TMC5: variants seen among roughly 807,000 people sequenced by gnomAD.
The protein encoded by TMC5 is transmembrane channel like 5.
TMC5 carries 86 observed loss-of-function variants against 110.5 expected under a neutral mutation model. The ratio of observed to expected loss-of-function variants is 0.78; its 90% confidence interval spans 0.65 to 0.93. TMC5 has a LOEUF of 0.93. TMC5 is among the 40% of genes least tolerant of loss of function. The probability of loss-of-function intolerance (pLI) is 0.00; values close to 1 mark genes in which losing one functional copy is unlikely to be tolerated. For synonymous variants in TMC5, 455 were observed against 439.5 expected (o/e 1.04, Z -0.44); for missense variants, 1,144 against 1,222.8 (o/e 0.94, Z 0.96).
intron 17 of TMC5, among the ~76,000 whole-genome samples, chr16:19,488,934 A>G (rs986044774): frequency 2.6e-5 from 4 of 152,228 alleles, no homozygotes; most frequent in Non-Finnish European, 5.9e-5. Context: ...GAATGAATTA[A>G]TGAACAAGGG....
At chr16:19,420,431 A>T (rs1359147752) in intron 1 of TMC5, among the ~76,000 whole-genome samples, 2 of 151,406 alleles carry the variant, frequency 1.3e-5, no homozygotes, top group African/African-American at 2.4e-5. Flanking sequence ...CGTCTCAAAA[A>T]AAAAAATAAA....
intron 9 of TMC5, among the ~76,000 whole-genome samples, chr16:19,467,931 ATTTTG>A (rs962126390): frequency 2.0e-5 from 3 of 152,104 alleles, no homozygotes; most frequent in Non-Finnish European, 4.4e-5. Flanking sequence ...CTAAAGTGAG[ATTTTG>A]TTTTGTTCTG....
chr16:19,493,207 C>T lies in TMC5; in HGVS notation c.2826+979C>T, dbSNP rs961208299. Among the ~76,000 whole-genome samples, 12 of 151,176 alleles carry T rather than the reference C, an allele frequency of 7.9e-5. No individual in the cohort carries two copies. The East Asian group carries it at 2.2e-3, about 27-fold the overall frequency. ...AACTTCCGACCTCAGGTGATCCGCC[C>T]GCCTCGGCCTCCCAAAGTGCTAAGA... On this transcript the variant is annotated intron_variant, in intron 19 of 21. Transcript: ENST00000542583.
Position 19,463,318 on chromosome 16 carries a change from G to C in TMC5, c.1187G>C (p.Arg396Pro), listed in dbSNP as rs539245207. 11 of 1,613,902 alleles carry C rather than the reference G, an allele frequency of 6.8e-6. No homozygotes were observed. The African/African-American group carries it at 1.5e-4, about 22-fold the overall frequency. ...AAAGAAAAAAGCAAACAGACCCATC[G>C]TATCCTTCAGCTCAATTGCTGTATT... ...VDKEKSKQTHRILQLNCCIQC... is the reference protein window; with the variant it reads ...VDKEKSKQTHPILQLNCCIQC... Residue 396 changes from arginine to proline, a missense_variant, in exon 7 of 22, where the codon CGT becomes CCT. Arg to Pro is a moderately radical substitution (Grantham distance 103). Coordinates refer to ENST00000542583, the MANE Select transcript of TMC5 (RefSeq NM_001261841.2).
chr16:19,432,519 T>C (rs1024893969), intron 2 of TMC5, among the ~76,000 whole-genome samples: 7 of 152,242 alleles, frequency 4.6e-5, no homozygotes, highest in Non-Finnish European at 1.0e-4. Context: ...CCTCTAATAG[T>C]TAACAGGAAG....
intron 5 of TMC5, among the ~76,000 whole-genome samples, chr16:19,454,093 G>A (rs912182902): frequency 6.6e-6 from 1 of 151,924 alleles, no homozygotes; most frequent in African/African-American, 2.4e-5. Flanking sequence ...TGTCCCCCAG[G>A]CTGGAGTGGA....
chr16:19,421,087 G>C lies in TMC5; in HGVS notation c.-308+2995G>C, dbSNP rs766733306. ...TATGAGACTCATGGACACCTGGATC[G>C]CAAGGTTGTGTCTGTCAGTCAGTGT... is the stretch of plus-strand genomic sequence containing the variant. On this transcript the variant is annotated intron_variant, in intron 1 of 21. Coordinates refer to ENST00000542583, the MANE Select transcript of TMC5 (RefSeq NM_001261841.2). 1.9e-4 allele frequency among the ~76,000 whole-genome samples: 29 copies of C among 152,120 alleles called. 1 individual carries two copies. Among genetic ancestry groups the C allele is most frequent in the African/African-American group, 5.1e-4 (21 of 41,418 alleles).
At chr16:19,439,271 AG>A (rs748256009) in intron 2 of TMC5, among the ~76,000 whole-genome samples, 6 of 152,206 alleles carry the variant, frequency 3.9e-5, no homozygotes, top group Admixed American at 6.5e-5. Context: ...TCAAACTGGA[AG>A]GGGTCATAGC....
chr16:19,494,324 A>G lies in TMC5; in HGVS notation c.2889A>G (p.Lys963=). 6.2e-7 allele frequency: 1 copy of G among 1,613,892 alleles called. No homozygotes were observed. The highest frequency in any genetic ancestry group is 8.5e-7 in the Non-Finnish European group (1 of 1,179,908). ...TCAAGCTGCAGGATATGGAGAAGAA[A>G]GCAAACCCCAGCTCACTTGTTCTGG... The part of the protein sequence containing the change: ...KLIKLQDMEK[K]ANPSSLVLER... The change falls in exon 20 of 22, where the codon AAA becomes AAG. Residue 963 remains lysine (K), a synonymous_variant. Transcript: ENST00000542583.
Position 19,440,324 on chromosome 16 carries a change from A to G in TMC5, c.286A>G (p.Arg96Gly). The change falls in exon 3 of 22, where the codon AGA (arginine) becomes GGA (glycine). Residue 96 changes from arginine (R) to glycine (G), a missense_variant. By Grantham distance (125) the Arg-to-Gly change is moderately radical (BLOSUM62 -2). Transcript: ENST00000542583. ...TRSNAYSAAS[R>G]TSPDHPTSLP... is the part of the protein sequence containing the mutation. ...AAGCAATGCATACTCTGCAGCCTCT[A>G]GAACAAGCCCAGACCATCCTACCTC... is the stretch of plus-strand genomic sequence containing the variant. 1 of 1,614,168 alleles carries G rather than the reference A, an allele frequency of 6.2e-7. No homozygotes were observed. The highest frequency in any genetic ancestry group is 8.5e-7 in the Non-Finnish European group (1 of 1,180,034).
chr16:19,412,040 G>T (rs1240470087), intron 1 of TMC5, among the ~76,000 whole-genome samples: 1 of 151,910 alleles, frequency 6.6e-6, no homozygotes, highest in Non-Finnish European at 1.5e-5. Flanking sequence ...GTAAAATGAG[G>T]ACAATAATGG....
intron 10 of TMC5, among the ~76,000 whole-genome samples, 157 bp downstream of exon 10, chr16:19,469,982 C>T (rs2143630789): frequency 6.6e-6 from 1 of 151,968 alleles, no homozygotes; most frequent in East Asian, 1.9e-4. Flanking sequence ...GCAGGCTCCG[C>T]CTCCCGGGTT....
At chr16:19,475,851 C>A (rs1968476835) in intron 12 of TMC5, among the ~76,000 whole-genome samples, 1 of 141,310 alleles carries the variant, frequency 7.1e-6, no homozygotes, top group Non-Finnish European at 1.5e-5. Context: ...GTCGCCCAGG[C>A]TGGAGTGCGG....
chr16:19,431,658 C>T (rs1454807543), intron 2 of TMC5, among the ~76,000 whole-genome samples: 1 of 151,964 alleles, frequency 6.6e-6, no homozygotes, highest in Admixed American at 6.6e-5. Flanking sequence ...GGTCAATTTG[C>T]TGTTTTGTAA....
chr16:19,465,478 G>A (rs1201133685), intron 8 of TMC5, among the ~76,000 whole-genome samples: 1 of 152,182 alleles, frequency 6.6e-6, no homozygotes, highest in East Asian at 1.9e-4. Context: ...GCAGTGAGCT[G>A]AGATCTTGCC....
At chr16:19,478,049 A>G (rs1297365331) in intron 13 of TMC5, among the ~76,000 whole-genome samples, 2 of 152,176 alleles carry the variant, frequency 1.3e-5, no homozygotes, top group African/African-American at 4.8e-5. Context: ...TACAGTTTCT[A>G]GTCTTCACTG....
chr16:19,484,763 C>T (rs1247746827), intron 15 of TMC5, among the ~76,000 whole-genome samples: 2 of 111,728 alleles, frequency 1.8e-5, no homozygotes, highest in Admixed American at 1.9e-4. Context: ...CACTCCGTCT[C>T]AAAAAGGAAA....
Position 19,472,262 on chromosome 16 carries a change from C to T in TMC5, c.1938+19C>T. The T allele has an allele frequency of 6.2e-7, 1 of 1,612,434 alleles. No individual in the cohort carries two copies. Among genetic ancestry groups the T allele is most frequent in the Non-Finnish European group, 8.5e-7 (1 of 1,179,254 alleles). ...CTTAGAGGTAACCAACACCAGGGTC[C>T]AGGGCAGAGAGAACCAGGTGAAGGG... On this transcript the variant is annotated intron_variant, in intron 11 of 21. Transcript: ENST00000542583.
Position 19,426,813 on chromosome 16 carries a change from C to T in TMC5, c.-307-3600C>T, listed in dbSNP as rs555994685. 2.2e-4 allele frequency among the ~76,000 whole-genome samples: 34 copies of T among 152,160 alleles called. No individual in the cohort carries two copies. The East Asian group carries it at 6.4e-3, about 28-fold the overall frequency. Reference sequence around the variant, plus strand: ...GGTAACAAATCAACTTTTTTCTTCCCTCCTCTCTCCCTGCTCCTCGCTGGC... The same window carrying T: ...GGTAACAAATCAACTTTTTTCTTCCTTCCTCTCTCCCTGCTCCTCGCTGGC... On this transcript the variant is annotated intron_variant, in intron 1 of 21. Transcript: ENST00000542583.
Sources: gnomAD v4.1 joint callset for allele counts (sites outside exome capture counted in the v4.1 genomes callset) on GRCh38, gnomAD v4.1.1 for gene constraint, MANE v1.5 for transcripts, NCBI Gene and HGNC (gene_info 2026-07-23, HGNC 2026-07-21) for gene names.